The following ADGRB3 variants were observed in gnomAD, a reference collection of about 807,000 sequenced individuals.
The protein encoded by ADGRB3 is adhesion G protein-coupled receptor B3, also known as brain-specific angiogenesis inhibitor 3.
ADGRB3 carries 37 observed loss-of-function variants against 193.4 expected under a neutral mutation model. The ratio of observed to expected loss-of-function variants is 0.19; its 90% CI spans 0.15 to 0.25. The LOEUF (loss-of-function observed/expected upper bound fraction) is 0.25, where lower values mean the gene tolerates loss of function less well. Among genes scored for constraint, ADGRB3 ranks in the 10% least tolerant of loss-of-function variants. The probability of loss-of-function intolerance (pLI) is 1.00; values close to 1 mark genes in which losing one functional copy is unlikely to be tolerated. For synonymous variants in ADGRB3, 690 were observed against 644.2 expected (o/e 1.07, Z -1.08); for missense variants, 1,637 against 1,852.9 (o/e 0.88, Z 2.14).
At chr6:68,714,710 A>C (rs1405117325) in intron 3 of ADGRB3, among the ~76,000 whole-genome samples, 1 of 151,906 alleles carries the variant, frequency 6.6e-6, no homozygotes, top group Non-Finnish European at 1.5e-5. Context: ...ATTCATTTTC[A>C]ACAGACTGGG....
chr6:68,769,217 C>A (rs2127355157), intron 3 of ADGRB3, among the ~76,000 whole-genome samples: 1 of 152,250 alleles, frequency 6.6e-6, no homozygotes, highest in South Asian at 2.1e-4. Context: ...ATAAATCATT[C>A]TACTATAAAG....
At chr6:69,169,850 C>A (rs1303125759) in intron 17 of ADGRB3, among the ~76,000 whole-genome samples, 1 of 152,066 alleles carries the variant, frequency 6.6e-6, no homozygotes, top group East Asian at 1.9e-4. Flanking sequence ...ATAGCTTGAC[C>A]TTGAATTAGA....
chr6:68,894,044 A>C (rs1932608), intron 3 of ADGRB3, among the ~76,000 whole-genome samples: 34,937 of 151,848 alleles, frequency 0.23, 4,855 homozygotes, highest in African/African-American at 0.4. Context: ...AACTATAAAA[A>C]GTAATCCTGC....
chr6:68,638,137 C>T (rs540081043), intron 2 of ADGRB3, among the ~76,000 whole-genome samples: 9 of 152,044 alleles, frequency 5.9e-5, no homozygotes, highest in Non-Finnish European at 1.0e-4. Flanking sequence ...AAAATTGTGG[C>T]CATAATTTAT....
intron 20 of ADGRB3, among the ~76,000 whole-genome samples, chr6:69,321,687 T>G (rs1768460130): frequency 6.6e-6 from 1 of 151,796 alleles, no homozygotes; most frequent in Non-Finnish European, 1.5e-5. Context: ...TCCTGAGACC[T>G]GAACACTAGA....
chr6:69,067,708 CT>C (rs1220565491), intron 16 of ADGRB3, among the ~76,000 whole-genome samples: 1 of 151,980 alleles, frequency 6.6e-6, no homozygotes, highest in African/African-American at 2.4e-5. Flanking sequence ...TTCTTGGTAA[CT>C]TTTATGGAGA....
chr6:68,760,790 C>G (rs1766382446), intron 3 of ADGRB3, among the ~76,000 whole-genome samples: 1 of 152,102 alleles, frequency 6.6e-6, no homozygotes, highest in Admixed American at 6.6e-5. Flanking sequence ...TAGCTAGATT[C>G]AATGTCCAAT....
At position 68,781,607 on chromosome 6, in the gene ADGRB3, C is replaced by A. The variant is rs940138454; in HGVS notation, c.757+142175C>A. 2.0e-5 allele frequency among the ~76,000 whole-genome samples: 3 copies of A among 151,664 alleles called. 1 individual carries two copies. Among genetic ancestry groups the A allele is most frequent in the Non-Finnish European group, 4.4e-5 (3 of 67,952 alleles). On this transcript the variant is annotated intron_variant, in intron 3 of 31. Transcript: ENST00000370598. The stretch of plus-strand genomic sequence containing the variant: ...GAAGATATATTCATACCAGATAAAT[C>A]AATAGAGGAAATTTAATATGGATAA...
At chr6:69,351,617 C>A (rs534373234) in intron 26 of ADGRB3, among the ~76,000 whole-genome samples, 1 of 152,230 alleles carries the variant, frequency 6.6e-6, no homozygotes, top group East Asian at 1.9e-4. Context: ...TTTAATGATT[C>A]ATGAAGCTGA....
At chr6:68,778,293 C>G (rs1227122145) in intron 3 of ADGRB3, among the ~76,000 whole-genome samples, 1 of 151,998 alleles carries the variant, frequency 6.6e-6, no homozygotes, top group Non-Finnish European at 1.5e-5. Context: ...GCTTCATATA[C>G]CTTATGTTGT....
At chr6:69,033,200 T>C (rs1051368726) in intron 13 of ADGRB3, among the ~76,000 whole-genome samples, 14 of 152,216 alleles carry the variant, frequency 9.2e-5, no homozygotes, top group African/African-American at 3.4e-4. Context: ...TTCTGTGGTG[T>C]AATGGCAGTT....
intron 17 of ADGRB3, among the ~76,000 whole-genome samples, chr6:69,092,232 C>G (rs77053475): frequency 6.6e-6 from 1 of 152,198 alleles, no homozygotes; most frequent in Non-Finnish European, 1.5e-5. Context: ...TACCCTTCTT[C>G]AAGGTCAATG....
At position 68,720,436 on chromosome 6, in the gene ADGRB3, G is replaced by A. The variant is rs138317840; in HGVS notation, c.757+81004G>A. Among the ~76,000 whole-genome samples, 644 of 151,508 alleles carry A rather than the reference G, an allele frequency of 4.3e-3. 3 individuals are homozygous for A. Among genetic ancestry groups the A allele is most frequent in the African/African-American group, 0.014 (595 of 41,350 alleles). On this transcript the variant is annotated intron_variant, in intron 3 of 31. Transcript: ENST00000370598. ...TGGGCTTTTTAATTTTACCTGATTC[G>A]AGTTCAATAAAAATGTTGAAGAGGC...
chr6:69,073,614 C>G, intron 16 of ADGRB3, among the ~76,000 whole-genome samples: 1 of 152,178 alleles, frequency 6.6e-6, no homozygotes, highest in Non-Finnish European at 1.5e-5. Flanking sequence ...CCAGGCTCCT[C>G]CCCTGCAAAT....
At chr6:68,857,107 G>A (rs1011531346) in intron 3 of ADGRB3, among the ~76,000 whole-genome samples, 1 of 152,212 alleles carries the variant, frequency 6.6e-6, no homozygotes, top group African/African-American at 2.4e-5. Context: ...AAAGATGTAT[G>A]GAAATGCCGG....
intron 17 of ADGRB3, among the ~76,000 whole-genome samples, chr6:69,100,109 C>T (rs1772990059): frequency 6.6e-6 from 1 of 152,172 alleles, no homozygotes; most frequent in Non-Finnish European, 1.5e-5. Flanking sequence ...CCACTGGTCT[C>T]TCTTTAGATA....
chr6:69,063,017 A>G lies in ADGRB3; in HGVS notation c.2417A>G (p.Glu806Gly). Reference sequence around the variant, plus strand: ...ACAACCGATTCGTTTCTGGAGATAGAACTAGCTCATTTGGCTAATGTAAGT... The same window carrying G: ...ACAACCGATTCGTTTCTGGAGATAGGACTAGCTCATTTGGCTAATGTAAGT... ...PKTTDSFLEI[E>G]LAHLANGTLN... Residue 806 changes from glutamate to glycine, a missense_variant, in exon 16 of 32, where the codon GAA (glutamate) becomes GGA (glycine). By Grantham distance (98) the Glu-to-Gly change is moderately conservative. This residue lies in a region of ADGRB3 where 641 missense variants were observed against 673.9 expected (regional missense o/e 0.95). Transcript: ENST00000370598. 1 of 1,611,814 alleles carries G rather than the reference A, an allele frequency of 6.2e-7. No homozygotes were observed. The highest frequency in any genetic ancestry group is 8.5e-7 in the Non-Finnish European group (1 of 1,178,388).
chr6:68,908,224 T>A (rs1766602636), intron 3 of ADGRB3, among the ~76,000 whole-genome samples: 1 of 152,054 alleles, frequency 6.6e-6, no homozygotes. Context: ...GCATTATTGA[T>A]CGATGACCAA....
At chr6:68,890,974 C>T (rs13195099) in intron 3 of ADGRB3, among the ~76,000 whole-genome samples, 40,912 of 151,894 alleles carry the variant, frequency 0.27, 6,638 homozygotes, top group Middle Eastern at 0.51. Context: ...TGTATTAGTC[C>T]GTTTTCATGC....
Sources: gnomAD v4.1 joint callset for allele counts (sites outside exome capture counted in the v4.1 genomes callset) on GRCh38, gnomAD v4.1.1 for gene constraint, gnomAD v4.1.1 regional missense constraint, MANE v1.5 for transcripts, NCBI Gene and HGNC (gene_info 2026-07-23, HGNC 2026-07-21) for gene names.